SOX5: variants seen among roughly 807,000 people sequenced by gnomAD.
The protein encoded by SOX5 is SRY-box transcription factor 5, also known as transcription factor SOX-5.
A neutral mutation model predicts 92.0 loss-of-function variants in SOX5; 9 were observed. The ratio of observed to expected loss-of-function variants is 0.10; its 90% CI spans 0.06 to 0.17. The LOEUF is 0.17. Among genes scored for constraint, SOX5 ranks in the 10% least tolerant of loss-of-function variants. The pLI is 1.00. For missense variants in SOX5, 642 were observed against 944.5 expected (o/e 0.68, Z 4.20); for synonymous variants, 344 against 336.3 (o/e 1.02, Z -0.25).
intron 2 of SOX5, among the ~76,000 whole-genome samples, chr12:24,287,170 T>TA (rs1454428855): frequency 1.3e-5 from 2 of 152,170 alleles, no homozygotes; most frequent in Non-Finnish European, 2.9e-5. Context: ...TCTGCAGTTT[T>TA]AAAAAAGTCA....
At chr12:24,242,178 T>A (rs552431287) in intron 3 of SOX5, among the ~76,000 whole-genome samples, 1 of 152,294 alleles carries the variant, frequency 6.6e-6, no homozygotes, top group African/African-American at 2.4e-5. Context: ...ATTAATAACA[T>A]TTGAAAACCT....
chr12:23,811,435 T>G (rs1050589846), intron 3 of SOX5, among the ~76,000 whole-genome samples: 1 of 152,138 alleles, frequency 6.6e-6, no homozygotes, highest in African/African-American at 2.4e-5. Flanking sequence ...GAAAATATAC[T>G]TCTATCCTGT....
chr12:24,351,910 G>T (rs1456406271), intron 2 of SOX5, among the ~76,000 whole-genome samples: 1 of 152,174 alleles, frequency 6.6e-6, no homozygotes, highest in Non-Finnish European at 1.5e-5. Context: ...AGTGATCCAG[G>T]TCATTAATGT....
At chr12:24,443,628 C>A (rs1941010768) in intron 1 of SOX5, among the ~76,000 whole-genome samples, 1 of 152,200 alleles carries the variant, frequency 6.6e-6, no homozygotes, top group Admixed American at 6.5e-5. Context: ...AATGAGTTGT[C>A]ACAGTTTAGA....
chr12:23,903,776 G>A (rs1308743674), intron 1 of SOX5, among the ~76,000 whole-genome samples: 1 of 152,170 alleles, frequency 6.6e-6, no homozygotes, highest in Admixed American at 6.5e-5. Flanking sequence ...TCTGGTTCCT[G>A]TTGTAATTAA....
chr12:23,633,947 T>C (rs1468398892), intron 8 of SOX5, among the ~76,000 whole-genome samples: 3 of 152,106 alleles, frequency 2.0e-5, no homozygotes, highest in Non-Finnish European at 4.4e-5. Context: ...CCCACTGTTA[T>C]GGTAAGATAA....
intron 2 of SOX5, among the ~76,000 whole-genome samples, chr12:23,874,978 G>A (rs1211952647): frequency 2.0e-5 from 3 of 152,184 alleles, no homozygotes; most frequent in East Asian, 1.9e-4. Flanking sequence ...TGTGGCCTAC[G>A]TGGATATTTT....
rs780294499 is a variant in SOX5 at position 24,022,535 on chromosome 12, T to C, written c.-1-126511A>G. Among the ~76,000 whole-genome samples, 9 of 152,262 alleles carry C rather than the reference T, an allele frequency of 5.9e-5. No individual in the cohort carries two copies. The South Asian group carries it at 8.3e-4, about 14-fold the overall frequency. On this transcript the variant is annotated intron_variant, in intron 4 of 4. Coordinates refer to the SOX5 transcript ENST00000446891. The stretch of plus-strand genomic sequence containing the variant: ...GATACAATCAGAATTGTGTAGCCAT[T>C]GTAATTTGCCTACCATTCTACAAAA...
chr12:23,810,521 C>G (rs7308759), intron 3 of SOX5, among the ~76,000 whole-genome samples: 1 of 151,842 alleles, frequency 6.6e-6, no homozygotes, highest in Non-Finnish European at 1.5e-5. Flanking sequence ...TTTAAATGCA[C>G]TGAAATCAAA....
At chr12:23,717,025 C>T (rs925531602) in intron 6 of SOX5, among the ~76,000 whole-genome samples, 2 of 152,178 alleles carry the variant, frequency 1.3e-5, no homozygotes, top group Admixed American at 6.5e-5. Flanking sequence ...TTAGCTGATG[C>T]TCCTTATCCC....
chr12:24,008,807 C>G (rs1028843993), intron 4 of SOX5, among the ~76,000 whole-genome samples: 9 of 152,234 alleles, frequency 5.9e-5, no homozygotes, highest in African/African-American at 2.2e-4. Flanking sequence ...ATGAACCATG[C>G]TTTCCAGTAT....
intron 3 of SOX5, among the ~76,000 whole-genome samples, chr12:24,250,017 A>G (rs374077508): frequency 6.6e-6 from 1 of 152,224 alleles, no homozygotes; most frequent in African/African-American, 2.4e-5. Context: ...AGCCTCACCA[A>G]GCACTGCCAT....
intron 6 of SOX5, among the ~76,000 whole-genome samples, chr12:23,732,115 T>C (rs147609757): frequency 1.2e-3 from 187 of 152,298 alleles, no homozygotes; most frequent in Middle Eastern, 3.4e-3. Flanking sequence ...TACATTCCAA[T>C]TGCCTTTCAT....
intron 1 of SOX5, among the ~76,000 whole-genome samples, chr12:24,555,474 T>C (rs570552942): frequency 4.2e-4 from 64 of 152,364 alleles, no homozygotes; most frequent in Admixed American, 1.2e-3. Context: ...ATCCATTATT[T>C]AAATATATTT....
At chr12:24,434,034 G>C (rs578014892) in intron 1 of SOX5, among the ~76,000 whole-genome samples, 1 of 152,274 alleles carries the variant, frequency 6.6e-6, no homozygotes, top group Admixed American at 6.5e-5. Flanking sequence ...CCAGGAGAGA[G>C]AACAGTCTCT....
intron 2 of SOX5, among the ~76,000 whole-genome samples, chr12:24,311,287 C>T (rs1949148019): frequency 1.3e-5 from 2 of 152,196 alleles, no homozygotes; most frequent in South Asian, 4.1e-4. Flanking sequence ...ATTCATCAGA[C>T]TTAGCATAAA....
rs1284993900 is a variant in SOX5, at chr12:23,533,179, C to A, written c.*1040G>T. The A allele has an allele frequency of 2.2e-6, 1 of 456,396 alleles. No homozygotes were observed. The highest frequency in any genetic ancestry group is 4.4e-6 in the Non-Finnish European group (1 of 226,736). 28.3% of individuals were successfully genotyped at this position (456,396 alleles called of 1,614,324 possible). On this transcript the variant is annotated 3_prime_UTR_variant, in exon 15 of 15. Coordinates refer to ENST00000451604, the MANE Select transcript of SOX5 (RefSeq NM_006940.6). ...AGTCACTTGGGAGGATGTGGGATTT[C>A]ATCCCCAGATGTGGGTTTAACTCAC...
intron 4 of SOX5, among the ~76,000 whole-genome samples, chr12:24,143,757 C>T (rs1206370348): frequency 6.6e-6 from 1 of 151,212 alleles, no homozygotes; most frequent in African/African-American, 2.4e-5. Flanking sequence ...GGGAACTGTG[C>T]ATTCTTACAT....
chr12:24,029,042 T>C (rs1394213819), intron 4 of SOX5, among the ~76,000 whole-genome samples: 15 of 152,098 alleles, frequency 9.9e-5, no homozygotes, highest in South Asian at 8.3e-4. Flanking sequence ...ATATTTTATT[T>C]TTCTGATTAA....
Sources: gnomAD v4.1 joint callset for allele counts (sites outside exome capture counted in the v4.1 genomes callset) on GRCh38, gnomAD v4.1.1 for gene constraint, MANE v1.5 for transcripts, NCBI Gene and HGNC (gene_info 2026-07-23, HGNC 2026-07-21) for gene names.